Variants in NFIA observed in about 807,000 individuals in gnomAD.
NFIA encodes the protein nuclear factor 1 A-type.
NFIA carries 8 observed loss-of-function variants against 62.8 expected under a neutral mutation model. The observed-to-expected ratio is 0.13, with a 90% CI of 0.07 to 0.23. The LOEUF is 0.23. Ranked by LOEUF, NFIA falls within the 10% of genes least tolerant of loss-of-function variation. NFIA has a pLI of 1.00. For missense variants in NFIA, 410 were observed against 642.1 expected (o/e 0.64, Z 3.91); for synonymous variants, 235 against 238.1 (o/e 0.99, Z 0.12).
chr1:61,183,373 T>C (rs978299902), intron 2 of NFIA, among the ~76,000 whole-genome samples: 2 of 152,232 alleles, frequency 1.3e-5, no homozygotes, highest in Admixed American at 1.3e-4. Flanking sequence ...TGTTTTGCAG[T>C]AGTGGTGGCA....
intron 2 of NFIA, among the ~76,000 whole-genome samples, chr1:61,268,347 G>T (rs916545747): frequency 6.6e-6 from 1 of 152,050 alleles, no homozygotes; most frequent in South Asian, 2.1e-4. Context: ...TCAGAGTTTA[G>T]TCATTTATTC....
At chr1:61,177,301 AG>A in intron 2 of NFIA, among the ~76,000 whole-genome samples, 1 of 152,284 alleles carries the variant, frequency 6.6e-6, no homozygotes, top group East Asian at 1.9e-4. Context: ...ACGCAAAAGA[AG>A]CTTATCCGGA....
rs557095900 is a variant in NFIA at position 61,138,183 on chromosome 1, C to T, written c.559+49503C>T. On this transcript the variant is annotated intron_variant, in intron 2 of 10. Coordinates refer to ENST00000403491, the MANE Select transcript of NFIA (RefSeq NM_001134673.4). ...AGATAATGGCTCGCTGCAGCCTTGA[C>T]CTCCCAGGCTCAATTGATCCTCCCA... Among the ~76,000 whole-genome samples the T allele has an allele frequency of 6.6e-5, 10 of 152,150 alleles. 1 individual carries two copies. Among genetic ancestry groups the T allele is most frequent in the African/African-American group, 2.2e-4 (9 of 41,516 alleles).
chr1:61,101,834 T>C (rs1046876443), intron 2 of NFIA, among the ~76,000 whole-genome samples: 5 of 152,216 alleles, frequency 3.3e-5, no homozygotes, highest in Non-Finnish European at 5.9e-5. Context: ...AGGGGTCTTA[T>C]AAGTGTGAGC....
rs541272455 is a variant in NFIA, at chr1:61,276,883, G to A, written c.560-637G>A. Among the ~76,000 whole-genome samples the A allele has an allele frequency of 2.0e-5, 3 of 152,076 alleles. No individual in the cohort carries two copies. In the South Asian group the frequency reaches 6.2e-4, roughly 32 times the overall value. On this transcript the variant is annotated intron_variant, in intron 2 of 10. Coordinates refer to ENST00000403491, the MANE Select transcript of NFIA (RefSeq NM_001134673.4). ...TGTTTTTGCAAACAAGTCCTTTTAG[G>A]ATCTCCCAAATGCATCAGTACAAGA...
intron 6 of NFIA, among the ~76,000 whole-genome samples, chr1:61,370,046 G>A (rs1312177866): frequency 2.0e-5 from 3 of 152,160 alleles, no homozygotes; most frequent in Non-Finnish European, 4.4e-5. Flanking sequence ...TTTACATGGG[G>A]AATTGGGGAG....
chr1:61,184,653 G>A (rs1258460945), intron 2 of NFIA, among the ~76,000 whole-genome samples: 1 of 152,214 alleles, frequency 6.6e-6, no homozygotes, highest in Non-Finnish European at 1.5e-5. Flanking sequence ...AAACAAGCTA[G>A]AAGGATGCCA....
At chr1:61,260,280 G>A (rs186511685) in intron 2 of NFIA, among the ~76,000 whole-genome samples, 5 of 152,310 alleles carry the variant, frequency 3.3e-5, no homozygotes, top group Admixed American at 3.3e-4. Flanking sequence ...CTTAAGGAAC[G>A]TTCATGCAGA....
intron 3 of NFIA, among the ~76,000 whole-genome samples, chr1:61,317,406 G>A (rs1660422731): frequency 6.6e-6 from 1 of 151,564 alleles, no homozygotes; most frequent in African/African-American, 2.4e-5. Context: ...AAGAAGAGAT[G>A]GTGATTTATA....
intron 2 of NFIA, among the ~76,000 whole-genome samples, chr1:61,110,744 T>C (rs191440700): frequency 3.5e-4 from 54 of 152,226 alleles, no homozygotes; most frequent in Non-Finnish European, 6.0e-4. Flanking sequence ...AGAATACCAC[T>C]CAGGCATTGG....
chr1:61,224,096 C>T (rs545009527), intron 2 of NFIA, among the ~76,000 whole-genome samples: 39 of 151,940 alleles, frequency 2.6e-4, no homozygotes, highest in African/African-American at 8.7e-4. Context: ...GTCAGTTAGA[C>T]ACTGTGTTTA....
chr1:61,323,722 C>A lies in NFIA; in HGVS notation c.626-8790C>A, dbSNP rs148269046. Among the ~76,000 whole-genome samples, 802 of 152,262 alleles carry A rather than the reference C, an allele frequency of 5.3e-3. 10 individuals are homozygous for A. The highest frequency in any genetic ancestry group is 0.019 in the African/African-American group (770 of 41,564). ...TCCAAGATAATCTAAATTAAGAGTA[C>A]AGAAGTAATATCACTGTAGGTGAGC... On this transcript the variant is annotated intron_variant, in intron 3 of 10. Transcript: ENST00000403491.
chr1:61,358,637 C>T (rs1663110914), intron 5 of NFIA, among the ~76,000 whole-genome samples: 1 of 152,120 alleles, frequency 6.6e-6, no homozygotes, highest in Admixed American at 6.5e-5. Flanking sequence ...ATCAGCCTGC[C>T]TTGGCCTCCC....
rs140314480 is a variant in NFIA, at chr1:61,197,936, G to A, written c.560-79584G>A. Among the ~76,000 whole-genome samples, 2,837 of 152,090 alleles carry A rather than the reference G, an allele frequency of 0.019. 177 individuals carry two copies. The East Asian group carries it at 0.23, about 13-fold the overall frequency. On this transcript the variant is annotated intron_variant, in intron 2 of 10. Coordinates refer to ENST00000403491, the MANE Select transcript of NFIA (RefSeq NM_001134673.4). ...GCGGAGGTTGCAGTGAGCCAAGATC[G>A]TGCCATTGCACTCCAGCCTGGGTGA...
At chr1:61,338,780 T>G (rs918708936) in intron 4 of NFIA, among the ~76,000 whole-genome samples, 2 of 152,236 alleles carry the variant, frequency 1.3e-5, no homozygotes, top group Non-Finnish European at 2.9e-5. Context: ...GGGGTGCCAT[T>G]TAAACATTCG....
At chr1:61,272,760 A>G (rs953381430) in intron 2 of NFIA, among the ~76,000 whole-genome samples, 1 of 152,168 alleles carries the variant, frequency 6.6e-6, no homozygotes, top group Non-Finnish European at 1.5e-5. Flanking sequence ...ATTTATTTGC[A>G]GGAAAGTATT....
intron 5 of NFIA, 136 bp from the exon 6 acceptor site, chr1:61,359,011 A>C (rs1663136917): frequency 8.1e-7 from 1 of 1,229,742 alleles, no homozygotes; most frequent in Admixed American, 2.2e-5. Flanking sequence ...ACTGAACAGA[A>C]GTTTAAAAGG....
intron 2 of NFIA, among the ~76,000 whole-genome samples, chr1:61,134,173 A>C (rs1478104363): frequency 6.6e-6 from 1 of 151,790 alleles, no homozygotes; most frequent in Non-Finnish European, 1.5e-5. Flanking sequence ...GGTTTTTTTG[A>C]TGATTAAATG....
intron 6 of NFIA, among the ~76,000 whole-genome samples, chr1:61,360,159 G>A (rs951924024): frequency 1.3e-5 from 2 of 152,170 alleles, no homozygotes; most frequent in Non-Finnish European, 2.9e-5. Flanking sequence ...GATGACTGCT[G>A]GTCTAATCTC....
Sources: allele counts gnomAD v4.1 joint callset (sites outside exome capture counted in the v4.1 genomes callset), GRCh38; gene constraint gnomAD v4.1.1; transcripts MANE v1.5; gene names NCBI Gene and HGNC (gene_info 2026-07-23, HGNC 2026-07-21).